WEE2: variants seen among roughly 807,000 people sequenced by gnomAD.
WEE2 encodes wee1-like protein kinase 2.
In WEE2, 50 loss-of-function variants were observed where a neutral mutation model predicts 60.1. That is an observed-to-expected ratio of 0.83 (90% CI 0.66 to 1.05). The LOEUF (loss-of-function observed/expected upper bound fraction) is 1.05, where lower values mean the gene tolerates loss of function less well. Ranked by LOEUF, WEE2 falls within the 50% of genes least tolerant of loss-of-function variation. WEE2 has a pLI of 0.00. For synonymous variants in WEE2, 240 were observed against 241.0 expected, an observed-to-expected ratio of 1.00 and a Z score of 0.04; for missense variants, 631 against 684.3, an observed-to-expected ratio of 0.92 and a Z score of 0.87.
At position 141,719,213 on chromosome 7, in the gene WEE2, T is replaced by C; in HGVS notation, c.727T>C (p.Ser243Pro). 1 of 1,610,904 alleles carries C rather than the reference T, an allele frequency of 6.2e-7. No homozygotes were observed. The highest frequency in any genetic ancestry group is 8.5e-7 in the Non-Finnish European group (1 of 1,178,490). ...TGGATGTGTTTATGCAATAAAGCGC[T>C]CTATGAAAACTTTTACAGAATTATC... ...LDGCVYAIKR[S>P]MKTFTELSNE... Residue 243 changes from serine (S) to proline (P), a missense_variant, in exon 4 of 12, where the codon TCT becomes CCT. Transcript: ENST00000397541.
rs781562564 is a variant in WEE2 at position 141,714,418 on chromosome 7, T to A, written c.539+13T>A. The A allele has an allele frequency of 6.3e-7, 1 of 1,594,674 alleles. No individual in the cohort carries two copies. Among genetic ancestry groups the A allele is most frequent in the African/African-American group, 1.4e-5 (1 of 74,012 alleles). ...TAAGAGGAGATCTGTAAGTGCTCTA[T>A]TACTTATGACTTTTGAGAACTGACC... On this transcript the variant is annotated intron_variant, in intron 2 of 11. Coordinates refer to ENST00000397541, the MANE Select transcript of WEE2 (RefSeq NM_001105558.1).
At chr7:141,710,988 G>C (rs1279799809) in intron 1 of WEE2, among the ~76,000 whole-genome samples, 1 of 152,122 alleles carries the variant, frequency 6.6e-6, no homozygotes, top group Non-Finnish European at 1.5e-5. Flanking sequence ...TAGCCCTGTT[G>C]AACAAAGAAG....
At chr7:141,720,141 CTTTTTTTTTTTTTT>C (rs571238574) in intron 4 of WEE2, among the ~76,000 whole-genome samples, 22 of 64,202 alleles carry the variant, frequency 3.4e-4, no homozygotes, top group South Asian at 1.8e-3. Flanking sequence ...TAGAATTCCT[CTTTTTTTTTTTTTT>C]TTTTTTTTTT....
At chr7:141,720,816 C>A in intron 4 of WEE2, 119 bp from the exon 5 acceptor site, 1 of 1,052,462 alleles carries the variant, frequency 9.5e-7, no homozygotes, top group Non-Finnish European at 1.4e-6. Context: ...AGTAAGCAAG[C>A]AGTGAGCTCT....
rs779650924 is a variant in WEE2 at position 141,725,210 on chromosome 7, C to T, written c.1392+14C>T. The T allele has an allele frequency of 3.1e-5, 49 of 1,604,628 alleles. No homozygotes were observed. Among genetic ancestry groups the T allele is most frequent in the African/African-American group, 1.6e-4 (12 of 74,392 alleles). On this transcript the variant is annotated intron_variant, in intron 9 of 11. Coordinates refer to ENST00000397541, the MANE Select transcript of WEE2 (RefSeq NM_001105558.1). ...AGTCTGCTCAAGGTGATAGCTCTTA[C>T]GAGATGAACAGAAGATGCAATATCT...
chr7:141,719,116 A>G lies in WEE2; in HGVS notation c.630A>G (p.Lys210=), dbSNP rs769534417. The part of the protein sequence containing the change: ...RETNMASRYE[K]EFLEVEKIGV... ...CCAACATGGCTTCCCGCTATGAAAAAGAATTCTTGGAGGTTGAAAAAATTG... is the reference window on the plus strand; with the variant it reads ...CCAACATGGCTTCCCGCTATGAAAAGGAATTCTTGGAGGTTGAAAAAATTG... The change falls in exon 4 of 12, where the codon AAA becomes AAG. Residue 210 remains lysine (K), a synonymous_variant. Coordinates refer to ENST00000397541, the MANE Select transcript of WEE2 (RefSeq NM_001105558.1). 6.2e-6 allele frequency: 10 copies of G among 1,613,966 alleles called. No homozygotes were observed.
In WEE2 at chr7:141,716,221, G is replaced by A. The variant is rs1430590849; in HGVS notation, c.540-1G>A. Reference sequence around the variant, plus strand: ...GATAAACTTTTTTTTTCTTTTTTAAGTGAGGAAGCTGGTCCAGAGGAAGGC... The same window carrying A: ...GATAAACTTTTTTTTTCTTTTTTAAATGAGGAAGCTGGTCCAGAGGAAGGC... On this transcript the variant is annotated splice_acceptor_variant, in intron 2 of 11. Coordinates refer to ENST00000397541, the MANE Select transcript of WEE2 (RefSeq NM_001105558.1). LOFTEE classifies it high-confidence loss of function. The A allele has an allele frequency of 1.9e-6, 3 of 1,609,458 alleles. No homozygotes were observed. The highest frequency in any genetic ancestry group is 1.7e-5 in the Admixed American group (1 of 59,654).
rs531345323 is a variant in WEE2 at position 141,729,480 on chromosome 7, A to G, written c.1536-51A>G. On this transcript the variant is annotated intron_variant, in intron 10 of 11. Coordinates refer to ENST00000397541, the MANE Select transcript of WEE2 (RefSeq NM_001105558.1). ...TTATATATTAGTTTTGATCATACAT[A>G]TCTCTGACTGGAGATCAAGTAGCCT... is the stretch of plus-strand genomic sequence containing the variant. 1.9e-5 allele frequency: 30 copies of G among 1,612,198 alleles called. No individual in the cohort carries two copies. In the African/African-American group the frequency reaches 3.3e-4, roughly 18 times the overall value.
chr7:141,713,615 C>T (rs1798743948), intron 1 of WEE2, among the ~76,000 whole-genome samples: 1 of 152,114 alleles, frequency 6.6e-6, no homozygotes, highest in African/African-American at 2.4e-5. Flanking sequence ...TCAGTTAGTG[C>T]TTTATTTTAA....
chr7:141,720,141 CTTTTTTTTTTTTTTT>C lies in WEE2; in HGVS notation c.759-776_759-762del, dbSNP rs571238574. Among the ~76,000 whole-genome samples the C allele has an allele frequency of 1.1e-3, 71 of 64,206 alleles. 2 individuals are homozygous for C. In the East Asian group the frequency reaches 0.02, roughly 18 times the overall value. The allele number at this position is 64,206 out of a possible 152,430, so 42.1% of individuals were successfully genotyped here. On this transcript the variant is annotated intron_variant, in intron 4 of 11. Coordinates refer to ENST00000397541, the MANE Select transcript of WEE2 (RefSeq NM_001105558.1). The stretch of plus-strand genomic sequence containing the variant: ...GTTTTATACAGGTTTTAGAATTCCT[CTTTTTTTTTTTTTTT>C]TTTTTTTTTTTTTTTTTGAGATGGA...
rs1368218927 is a variant in WEE2 at position 141,715,717 on chromosome 7, AAG to A, written c.540-500_540-499del. On this transcript the variant is annotated intron_variant, in intron 2 of 11. Coordinates refer to ENST00000397541, the MANE Select transcript of WEE2 (RefSeq NM_001105558.1). ...TTCTAGGGGAGGGGTGGGTGTCGGAAAGAGAGTGTGGTGTGGCAGTGAGGAGC... is the reference window on the plus strand; with the variant it reads ...TTCTAGGGGAGGGGTGGGTGTCGGAAAGAGTGTGGTGTGGCAGTGAGGAGC... 1.5e-3 allele frequency among the ~76,000 whole-genome samples: 228 copies of A among 152,256 alleles called. 1 individual carries two copies. Among genetic ancestry groups the A allele is most frequent in the Non-Finnish European group, 4.1e-4 (28 of 68,006 alleles).
intron 1 of WEE2, among the ~76,000 whole-genome samples, chr7:141,710,945 T>G (rs1466173628): frequency 6.6e-6 from 1 of 152,090 alleles, no homozygotes; most frequent in African/African-American, 2.4e-5. Context: ...GGATGGAGCA[T>G]GAGAGAGCCT....
chr7:141,719,327 C>G, intron 4 of WEE2, 83 bp downstream of exon 4: 1 of 1,247,408 alleles, frequency 8.0e-7, no homozygotes, highest in Non-Finnish European at 1.1e-6. Flanking sequence ...ATTAAAGCAC[C>G]GATGTCATTA....
chr7:141,709,128 C>G, intron 1 of WEE2, 28 bp downstream of exon 1: 2 of 1,587,652 alleles, frequency 1.3e-6, no homozygotes, highest in Non-Finnish European at 1.7e-6. Context: ...GAAAAAGGGA[C>G]GCAGGTCGCC....
At chr7:141,709,846 T>C (rs1370834977) in intron 1 of WEE2, among the ~76,000 whole-genome samples, 1 of 152,166 alleles carries the variant, frequency 6.6e-6, no homozygotes, top group Non-Finnish European at 1.5e-5. Context: ...AAAGCCATAG[T>C]TGGGGCAGGG....
intron 3 of WEE2, among the ~76,000 whole-genome samples, chr7:141,718,812 A>G (rs904294363): frequency 6.6e-6 from 1 of 152,158 alleles, no homozygotes; most frequent in African/African-American, 2.4e-5. Context: ...CAGTATGCCC[A>G]GATAGAGAAA....
Position 141,711,034 on chromosome 7 carries a change from C to A in WEE2, c.342+1934C>A, listed in dbSNP as rs1200007178. 6.6e-6 allele frequency among the ~76,000 whole-genome samples: 1 copy of A among 152,066 alleles called. No homozygotes were observed. Among genetic ancestry groups the A allele is most frequent in the African/African-American group, 2.4e-5 (1 of 41,418 alleles). On this transcript the variant is annotated intron_variant, in intron 1 of 11. Transcript: ENST00000397541. This position sits in a 1 kb window ranked among gnomAD's most constrained non-coding sequence, Gnocchi z 4.2. Reference sequence around the variant, plus strand: ...AGGACAGTGAAAAATTCAGAGATGACTTGATGGAGAGGTCGAGGGAAAACG... The same window carrying A: ...AGGACAGTGAAAAATTCAGAGATGAATTGATGGAGAGGTCGAGGGAAAACG...
chr7:141,723,020 T>A (rs1023511859), intron 5 of WEE2, 114 bp from the exon 6 acceptor site: 2 of 1,369,246 alleles, frequency 1.5e-6, no homozygotes, highest in African/African-American at 2.9e-5. Flanking sequence ...GGCTTTGATA[T>A]CTGCAGGAGG....
intron 5 of WEE2, among the ~76,000 whole-genome samples, chr7:141,721,445 G>A (rs12113603): frequency 0.54 from 82,170 of 151,814 alleles, 22,894 homozygotes; most frequent in African/African-American, 0.68. Context: ...TACACACTTT[G>A]TCTTGGAGTG....
Sources: allele counts gnomAD v4.1 joint callset (sites outside exome capture counted in the v4.1 genomes callset), GRCh38; gene constraint gnomAD v4.1.1; non-coding constraint Gnocchi (gnomAD v3.1); transcripts MANE v1.5; gene names NCBI Gene and HGNC (gene_info 2026-07-23, HGNC 2026-07-21).